Variants in NRG3 observed in about 807,000 individuals in gnomAD.
NRG3 encodes pro-neuregulin-3, membrane-bound isoform.
Under a neutral mutation model 66.9 loss-of-function variants are expected in NRG3, and 31 were observed. That is an observed-to-expected ratio of 0.46 (90% CI 0.35 to 0.63). The LOEUF (loss-of-function observed/expected upper bound fraction) is 0.63. Among genes scored for constraint, NRG3 ranks in the 20% least tolerant of loss-of-function variants. The probability of loss-of-function intolerance (pLI) is 0.00; values close to 1 mark genes in which losing one functional copy is unlikely to be tolerated. For missense variants in NRG3, 910 were observed against 878.9 expected, an observed-to-expected ratio of 1.04 and a Z score of -0.45; for synonymous variants, 393 against 359.4, an observed-to-expected ratio of 1.09 and a Z score of -1.06.
At chr10:82,150,195 A>G (rs528644725) in intron 1 of NRG3, among the ~76,000 whole-genome samples, 1 of 152,294 alleles carries the variant, frequency 6.6e-6, no homozygotes, top group East Asian at 1.9e-4. Context: ...ATCAGAGGCT[A>G]GGCCACTGCC....
intron 2 of NRG3, among the ~76,000 whole-genome samples, chr10:82,374,555 C>T (rs1352815930): frequency 6.6e-6 from 1 of 152,172 alleles, no homozygotes; most frequent in Non-Finnish European, 1.5e-5. Context: ...GTGAATAAGA[C>T]TAGTGTTTCT....
rs200572663 is a variant in NRG3 at position 81,982,698 on chromosome 10, T to C, written c.823+106535T>C. Among the ~76,000 whole-genome samples, 12 of 152,276 alleles carry C rather than the reference T, an allele frequency of 7.9e-5. No homozygotes were observed. The East Asian group carries it at 2.3e-3, about 29-fold the overall frequency. On this transcript the variant is annotated intron_variant, in intron 1 of 8. Transcript: ENST00000372141. ...GAGCATCCATGGCAGTTCTTTTTTG[T>C]CTACAAAATTTCTTCTTCTTACAAG... is the stretch of plus-strand genomic sequence containing the variant.
At chr10:82,143,089 C>T (rs978908869) in intron 1 of NRG3, among the ~76,000 whole-genome samples, 1 of 151,576 alleles carries the variant, frequency 6.6e-6, no homozygotes, top group Non-Finnish European at 1.5e-5. Flanking sequence ...TTTTTAATAA[C>T]ACAAAGACCA....
chr10:81,915,891 T>C (rs764349737), intron 1 of NRG3, among the ~76,000 whole-genome samples: 7 of 152,284 alleles, frequency 4.6e-5, no homozygotes, highest in East Asian at 1.9e-4. Flanking sequence ...CTGCTCTTGG[T>C]ACAGGCCCGT....
intron 1 of NRG3, among the ~76,000 whole-genome samples, chr10:82,041,559 A>G (rs541567748): frequency 6.6e-6 from 1 of 152,092 alleles, no homozygotes; most frequent in East Asian, 2.0e-4. Flanking sequence ...CTCATTTGTA[A>G]GCTACAAAGT....
At chr10:82,311,386 C>G (rs1490457319) in intron 1 of NRG3, among the ~76,000 whole-genome samples, 1 of 152,188 alleles carries the variant, frequency 6.6e-6, no homozygotes, top group Non-Finnish European at 1.5e-5. Context: ...ATGACCTCTT[C>G]TCTTGTCTTC....
At chr10:82,899,002 A>G (rs1480556711) in intron 4 of NRG3, among the ~76,000 whole-genome samples, 3 of 151,950 alleles carry the variant, frequency 2.0e-5, no homozygotes, top group Non-Finnish European at 4.4e-5. Flanking sequence ...GAGCCACCGC[A>G]TCTGGCCAGG....
chr10:82,812,440 T>C (rs1437848528), intron 3 of NRG3, among the ~76,000 whole-genome samples: 7 of 152,240 alleles, frequency 4.6e-5, no homozygotes, highest in African/African-American at 1.7e-4. Context: ...CATTTTGACA[T>C]GAAGCAAAAT....
intron 3 of NRG3, among the ~76,000 whole-genome samples, chr10:82,747,938 T>G (rs756945557): frequency 9.9e-5 from 15 of 151,712 alleles, no homozygotes; most frequent in South Asian, 2.1e-4. Flanking sequence ...TATCTGAAAT[T>G]TATGTTAGTG....
intron 2 of NRG3, among the ~76,000 whole-genome samples, chr10:82,486,824 A>G (rs1842720384): frequency 6.6e-6 from 1 of 152,168 alleles, no homozygotes; most frequent in Non-Finnish European, 1.5e-5. Flanking sequence ...AGCCAGTCAC[A>G]GAAGGACAAA....
chr10:82,206,564 A>G (rs7908131), intron 1 of NRG3, among the ~76,000 whole-genome samples: 76,816 of 151,838 alleles, frequency 0.51, 21,080 homozygotes, highest in Non-Finnish European at 0.62. Context: ...TCTCCCCCCA[A>G]TGCCAGTGTT....
chr10:82,655,143 C>T (rs1033829158), intron 2 of NRG3, among the ~76,000 whole-genome samples: 10 of 151,392 alleles, frequency 6.6e-5, no homozygotes, highest in Non-Finnish European at 1.5e-4. Context: ...CAAGGATTTT[C>T]GTGTTAGAAA....
intron 1 of NRG3, among the ~76,000 whole-genome samples, chr10:81,910,709 G>A (rs1005967163): frequency 1.1e-4 from 17 of 152,036 alleles, no homozygotes; most frequent in African/African-American, 3.6e-4. Flanking sequence ...GTGCAGTGGC[G>A]CGATCATAGC....
At chr10:82,606,171 A>G (rs2047949625) in intron 2 of NRG3, among the ~76,000 whole-genome samples, 1 of 152,160 alleles carries the variant, frequency 6.6e-6, no homozygotes, top group Non-Finnish European at 1.5e-5. Flanking sequence ...CAAATGCTAT[A>G]AATTTACTGC....
chr10:82,750,433 CAG>C (rs1287891950), intron 3 of NRG3, among the ~76,000 whole-genome samples: 1 of 152,030 alleles, frequency 6.6e-6, no homozygotes, highest in Admixed American at 6.6e-5. Context: ...AGAACACAAA[CAG>C]AGAGAAGCAG....
Position 82,321,310 on chromosome 10 carries a change from G to T in NRG3, c.824-37429G>T, listed in dbSNP as rs981868372. ...CATCCTGTGGCAGGGGTGGGGGTGG[G>T]GGTCAGGGAACTCTCCTGTTTCACC... On this transcript the variant is annotated intron_variant, in intron 1 of 8. Transcript: ENST00000372141. Among the ~76,000 whole-genome samples, 25 of 148,490 alleles carry T rather than the reference G, an allele frequency of 1.7e-4. 1 individual carries two copies. The highest frequency in any genetic ancestry group is 4.7e-4 in the African/African-American group (19 of 40,652).
rs552774619 is a variant in NRG3, at chr10:82,045,980, A to G, written c.823+169817A>G. Among the ~76,000 whole-genome samples, 8 of 150,724 alleles carry G rather than the reference A, an allele frequency of 5.3e-5. No individual in the cohort carries two copies. The East Asian group carries it at 1.4e-3, about 26-fold the overall frequency. ...GTTTTGGTTACTGTAGTCTTGTAGT[A>G]TAGTTTGAAGTCAGGTAGCGTGATG... On this transcript the variant is annotated intron_variant, in intron 1 of 8. Transcript: ENST00000372141.
chr10:82,504,503 G>A lies in NRG3; in HGVS notation c.953+145635G>A, dbSNP rs767400273. Among the ~76,000 whole-genome samples the A allele has an allele frequency of 7.2e-5, 11 of 152,232 alleles. No individual in the cohort carries two copies. The Middle Eastern group carries it at 0.01, about 141-fold the overall frequency. On this transcript the variant is annotated intron_variant, in intron 2 of 8. Coordinates refer to ENST00000372141, the MANE Select transcript of NRG3 (RefSeq NM_001010848.4). ...ATTCTGAAGGGGATTCTTAATGTAC[G>A]GATGATCAAAAGGTGACCCTAAGGG...
chr10:82,076,659 G>A (rs1206355542), intron 1 of NRG3, among the ~76,000 whole-genome samples: 1 of 152,040 alleles, frequency 6.6e-6, no homozygotes, highest in Admixed American at 6.6e-5. Flanking sequence ...CTTGTTTAAA[G>A]GTGTCTGGCA....
Sources: gnomAD v4.1 joint callset for allele counts (sites outside exome capture counted in the v4.1 genomes callset) on GRCh38, gnomAD v4.1.1 for gene constraint, MANE v1.5 for transcripts, NCBI Gene and HGNC (gene_info 2026-07-23, HGNC 2026-07-21) for gene names.